The following KALRN variants were observed in gnomAD, a reference collection of about 807,000 sequenced individuals.
KALRN encodes the protein kalirin RhoGEF kinase, also known as kalirin.
KALRN carries 70 observed loss-of-function variants against 353.7 expected under a neutral mutation model. That is an observed-to-expected ratio of 0.20 (90% CI 0.16 to 0.24). KALRN has a LOEUF of 0.24. KALRN is among the 10% of genes least tolerant of loss of function. The pLI is 1.00. For synonymous variants in KALRN, 1,391 were observed against 1,434.8 expected (o/e 0.97, Z 0.69); for missense variants, 2,791 against 3,756.7 (o/e 0.74, Z 6.72).
At chr3:124,320,239 C>T (rs1264751374) in intron 6 of KALRN, among the ~76,000 whole-genome samples, 6 of 152,134 alleles carry the variant, frequency 3.9e-5, no homozygotes, top group African/African-American at 7.2e-5. Flanking sequence ...AAGAGCTTGT[C>T]GAGAGGACAG....
At chr3:124,648,316 T>G (rs1032797143) in intron 37 of KALRN, among the ~76,000 whole-genome samples, 1 of 152,230 alleles carries the variant, frequency 6.6e-6, no homozygotes, top group Admixed American at 6.5e-5. Flanking sequence ...AGTCCTCCCC[T>G]AGAGATAGCC....
At chr3:124,675,794 C>A (rs16835816) in intron 49 of KALRN, among the ~76,000 whole-genome samples, 12,634 of 152,136 alleles carry the variant, frequency 0.083, 1,100 homozygotes, top group African/African-American at 0.22. Context: ...TTCTCCGCTG[C>A]TTTCCCCTGC....
intron 29 of KALRN, among the ~76,000 whole-genome samples, chr3:124,489,707 A>G (rs2062935045): frequency 6.6e-6 from 1 of 152,092 alleles, no homozygotes; most frequent in African/African-American, 2.4e-5. Flanking sequence ...CAGCTACTCC[A>G]TGCATGGTCT....
intron 6 of KALRN, among the ~76,000 whole-genome samples, chr3:124,306,750 G>A (rs1047032266): frequency 6.6e-6 from 1 of 152,028 alleles, no homozygotes; most frequent in African/African-American, 2.4e-5. Context: ...AATAGCAAGA[G>A]GAAAATGACT....
intron 1 of KALRN, among the ~76,000 whole-genome samples, chr3:124,167,063 A>G (rs767558079): frequency 6.6e-6 from 1 of 152,098 alleles, no homozygotes; most frequent in Non-Finnish European, 1.5e-5. Flanking sequence ...AATAATAATG[A>G]TATTATAATA....
chr3:124,712,908 G>A (rs755335910), intron 57 of KALRN, 27 bp from the exon 58 acceptor site: 26 of 1,543,496 alleles, frequency 1.7e-5, no homozygotes, highest in Non-Finnish European at 2.2e-5. Context: ...AATGAATGTT[G>A]GCAAACTCTC....
chr3:124,108,598 T>C (rs1369051950), intron 1 of KALRN, among the ~76,000 whole-genome samples: 2 of 152,200 alleles, frequency 1.3e-5, no homozygotes, highest in East Asian at 3.9e-4. Flanking sequence ...GTGGAAGCTT[T>C]AAAAGCCAAT....
chr3:124,088,689 T>C (rs759908942), intron 1 of KALRN, among the ~76,000 whole-genome samples: 1 of 152,156 alleles, frequency 6.6e-6, no homozygotes, highest in Non-Finnish European at 1.5e-5. Flanking sequence ...GAAACTGAGA[T>C]GTGGGAAGTT....
rs1192756407 is a variant in KALRN at position 124,671,720 on chromosome 3, A to G, written c.6764A>G (p.Gln2255Arg). ...AGGAGCACAGCTGTGATGAGGTCTC[A>G]ACCTGCCAGGCTTCCCCAAGCCAGC... ...KERSTAVMRS[Q>R]PARLPQASPR... Residue 2255 changes from glutamine (Q) to arginine (R), a missense_variant, in exon 48 of 60, where the codon CAA (glutamine) becomes CGA (arginine). Around this residue, in one of 11 missense-constraint regions of KALRN, gnomAD observed 1,065 missense variants for 1,156.4 expected, o/e 0.92. Coordinates refer to ENST00000682506, the MANE Select transcript of KALRN (RefSeq NM_001388419.1). 1 of 1,614,164 alleles carries G rather than the reference A, an allele frequency of 6.2e-7. No individual in the cohort carries two copies. The highest frequency in any genetic ancestry group is 8.5e-7 in the Non-Finnish European group (1 of 1,180,022).
At chr3:124,268,373 A>G (rs2073809635) in intron 4 of KALRN, among the ~76,000 whole-genome samples, 1 of 152,186 alleles carries the variant, frequency 6.6e-6, no homozygotes, top group African/African-American at 2.4e-5. Context: ...AGCTGTGGAA[A>G]ACTGTCCCCC....
At chr3:124,691,459 C>T (rs576598438) in intron 51 of KALRN, among the ~76,000 whole-genome samples, 4 of 152,132 alleles carry the variant, frequency 2.6e-5, no homozygotes, top group South Asian at 4.2e-4. Flanking sequence ...ATAAAGAAAG[C>T]GAAACATGCT....
At chr3:124,317,598 T>G (rs1235088965) in intron 6 of KALRN, among the ~76,000 whole-genome samples, 1 of 151,972 alleles carries the variant, frequency 6.6e-6, no homozygotes, top group Non-Finnish European at 1.5e-5. Flanking sequence ...TGGGACAATC[T>G]TGTTAAAATG....
At chr3:124,089,887 G>T (rs1249801658) in intron 1 of KALRN, among the ~76,000 whole-genome samples, 1 of 152,124 alleles carries the variant, frequency 6.6e-6, no homozygotes, top group African/African-American at 2.4e-5. Flanking sequence ...CTTACCTAAG[G>T]CCTGCCCTCC....
intron 33 of KALRN, among the ~76,000 whole-genome samples, chr3:124,522,053 G>A (rs200149459): frequency 2.6e-5 from 4 of 151,986 alleles, no homozygotes; most frequent in African/African-American, 9.7e-5. Flanking sequence ...AGAAAGGAAG[G>A]TAGGGAGTGC....
At position 124,713,075 on chromosome 3, in the gene KALRN, A is replaced by G; in HGVS notation, c.8216A>G (p.Gln2739Arg). The change falls in exon 58 of 60, where the codon CAG becomes CGG. Residue 2739 changes from glutamine (Q) to arginine (R), a missense_variant. This residue lies in a region of KALRN where 188 missense variants were observed against 402.9 expected (regional missense o/e 0.47). Transcript: ENST00000682506. ...CTGCTTCAGCACCTACAGCACCCCC[A>G]GTACATCACTCTCCATGACACCTAT... ...AALLQHLQHP[Q>R]YITLHDTYES... 3.7e-6 allele frequency: 6 copies of G among 1,614,154 alleles called. No individual in the cohort carries two copies. Among genetic ancestry groups the G allele is most frequent in the Non-Finnish European group, 5.1e-6 (6 of 1,179,996 alleles).
intron 34 of KALRN, among the ~76,000 whole-genome samples, chr3:124,574,794 G>A (rs1315734592): frequency 2.0e-5 from 3 of 152,212 alleles, no homozygotes; most frequent in Admixed American, 2.0e-4. Context: ...CAATGGTCTG[G>A]ACAATCTTGG....
chr3:124,657,373 T>C, intron 39 of KALRN, 75 bp from the exon 40 acceptor site: 1 of 944,122 alleles, frequency 1.1e-6, no homozygotes. Flanking sequence ...CTTGCAGGGG[T>C]GCTGTGGTGT....
chr3:124,633,875 T>C lies in KALRN; in HGVS notation c.5490T>C (p.Asp1830=), dbSNP rs748568161. The C allele has an allele frequency of 6.8e-6, 11 of 1,613,922 alleles. No individual in the cohort carries two copies. The highest frequency in any genetic ancestry group is 1.3e-5 in the African/African-American group (1 of 74,920). ...AGAGCAAGAAAGGTTGGGGTGAAGA[T>C]GAGCCGGATGAAGAGTCACACACAC... The part of the protein sequence containing the change: ...ADESKKGWGE[D]EPDEESHTPL... Residue 1830 remains aspartate (D), a synonymous_variant, in exon 36 of 60, where the codon GAT becomes GAC. Transcript: ENST00000682506.
intron 33 of KALRN, among the ~76,000 whole-genome samples, chr3:124,516,026 T>C (rs2066505623): frequency 6.6e-6 from 1 of 152,176 alleles, no homozygotes; most frequent in African/African-American, 2.4e-5. Context: ...TGAGAAAGAT[T>C]TGTGGATATA....
Sources: gnomAD v4.1 joint callset for allele counts (sites outside exome capture counted in the v4.1 genomes callset) on GRCh38, gnomAD v4.1.1 for gene constraint, gnomAD v4.1.1 regional missense constraint, MANE v1.5 for transcripts, NCBI Gene and HGNC (gene_info 2026-07-23, HGNC 2026-07-21) for gene names.